SHANK2: variants seen among roughly 807,000 people sequenced by gnomAD.
The protein encoded by SHANK2 is SH3 and multiple ankyrin repeat domains protein 2.
SHANK2 carries 43 observed loss-of-function variants against 133.7 expected under a neutral mutation model. The observed-to-expected ratio is 0.32, with a 90% CI of 0.25 to 0.41. The LOEUF (loss-of-function observed/expected upper bound fraction) is 0.41. Among genes scored for constraint, SHANK2 ranks in the 10% least tolerant of loss-of-function variants. The probability of loss-of-function intolerance (pLI) is 1.00; values close to 1 mark genes in which losing one functional copy is unlikely to be tolerated. For missense variants in SHANK2, 1,994 were observed against 2,235.8 expected (o/e 0.89, Z 2.18); for synonymous variants, 1,017 against 952.8 (o/e 1.07, Z -1.24).
intron 21 of SHANK2, among the ~76,000 whole-genome samples, chr11:70,498,169 G>T (rs2058998430): frequency 6.6e-6 from 1 of 152,238 alleles, no homozygotes; most frequent in Non-Finnish European, 1.5e-5. Flanking sequence ...GCTTGAAGTG[G>T]TCTGTCTACT....
At chr11:70,836,088 G>A (rs782162993) in intron 11 of SHANK2, among the ~76,000 whole-genome samples, 11 of 152,222 alleles carry the variant, frequency 7.2e-5, no homozygotes, top group South Asian at 4.1e-4. Context: ...GTGTCGCTCC[G>A]TTTCCAGCCA....
chr11:70,489,054 C>T (rs981856050), intron 24 of SHANK2: 16 of 450,154 alleles, frequency 3.6e-5, no homozygotes, highest in Middle Eastern at 5.6e-4. Context: ...AAATAAATTA[C>T]TTGAAATGAA....
intron 17 of SHANK2, among the ~76,000 whole-genome samples, chr11:70,597,854 C>A (rs552631057): frequency 5.9e-5 from 9 of 152,330 alleles, no homozygotes; most frequent in African/African-American, 2.2e-4. Flanking sequence ...GCCTGTGCGA[C>A]AAAGCAAGAC....
intron 2 of SHANK2, among the ~76,000 whole-genome samples, chr11:71,216,515 TG>T (rs1363093111): frequency 6.6e-6 from 1 of 152,044 alleles, no homozygotes; most frequent in Non-Finnish European, 1.5e-5. Context: ...GTACAGGTTT[TG>T]GGGGGGAATA....
chr11:70,571,519 C>T (rs544557438), intron 17 of SHANK2, among the ~76,000 whole-genome samples: 1 of 152,214 alleles, frequency 6.6e-6, no homozygotes, highest in Non-Finnish European at 1.5e-5. Context: ...ATGCTACCCC[C>T]ACCATGTGCC....
chr11:70,933,899 CAAAA>C (rs35735097), intron 10 of SHANK2, among the ~76,000 whole-genome samples: 1 of 123,914 alleles, frequency 8.1e-6, no homozygotes, highest in Non-Finnish European at 1.7e-5. Context: ...GACTGTGTCT[CAAAA>C]AAAAAAAAAA....
chr11:71,205,225 C>T (rs782729185), intron 2 of SHANK2, among the ~76,000 whole-genome samples: 95 of 152,244 alleles, frequency 6.2e-4, no homozygotes, highest in Non-Finnish European at 5.7e-4. Context: ...CGGGCCCATC[C>T]TGTGGGGTAG....
intron 12 of SHANK2, among the ~76,000 whole-genome samples, chr11:70,816,533 C>T (rs1186058192): frequency 6.6e-6 from 1 of 152,230 alleles, no homozygotes; most frequent in African/African-American, 2.4e-5. Flanking sequence ...CTAGCAGCCT[C>T]CCTGAAAGTG....
chr11:70,953,017 G>A (rs1488792803), intron 10 of SHANK2, among the ~76,000 whole-genome samples: 3 of 151,920 alleles, frequency 2.0e-5, no homozygotes, highest in Non-Finnish European at 1.5e-5. Flanking sequence ...CCCATCCCAC[G>A]TCCCAATCCC....
rs1456219194 is a variant in SHANK2 at position 70,500,652 on chromosome 11, A to T, written c.2288-62T>A. On this transcript the variant is annotated intron_variant, in intron 20 of 25. Coordinates refer to ENST00000601538, the MANE Select transcript of SHANK2 (RefSeq NM_012309.5). The surrounding 1 kb of genome is among the most constrained non-coding windows in gnomAD (Gnocchi z 4.5). ...GATGCAGCGCCCGCCCGCAGCCTAC[A>T]CTCGGGCCTTGTCAGCTCAGGGCGC... 3 of 1,570,572 alleles carry T rather than the reference A, an allele frequency of 1.9e-6. No individual in the cohort carries two copies. Among genetic ancestry groups the T allele is most frequent in the Non-Finnish European group, 2.6e-6 (3 of 1,157,824 alleles).
chr11:70,577,352 G>A (rs1026632893), intron 17 of SHANK2, among the ~76,000 whole-genome samples: 5 of 152,210 alleles, frequency 3.3e-5, no homozygotes, highest in Admixed American at 6.5e-5. Context: ...GAGGAGGGCC[G>A]TGGCCACGCC....
intron 8 of SHANK2, among the ~76,000 whole-genome samples, chr11:71,084,639 C>A (rs1174232527): frequency 6.6e-6 from 1 of 152,214 alleles, no homozygotes; most frequent in East Asian, 1.9e-4. Flanking sequence ...GAGGGCAGAG[C>A]CAGGCACAGC....
intron 2 of SHANK2, among the ~76,000 whole-genome samples, chr11:71,171,154 G>A (rs1485336047): frequency 6.6e-6 from 1 of 152,164 alleles, no homozygotes. Context: ...GTATTGGTCC[G>A]GATTCTCCAA....
chr11:70,489,656 C>T, intron 23 of SHANK2: 1 of 473,624 alleles, frequency 2.1e-6, no homozygotes, highest in Non-Finnish European at 3.8e-6. Context: ...CCAGAATTGA[C>T]ACAGTAAAGG....
At position 70,775,569 on chromosome 11, in the gene SHANK2, G is replaced by A. The variant is rs974816809; in HGVS notation, c.1777+22874C>T. 5.0e-4 allele frequency among the ~76,000 whole-genome samples: 76 copies of A among 152,328 alleles called. 1 individual carries two copies. The highest frequency in any genetic ancestry group is 3.4e-3 in the Middle Eastern group (1 of 294). Reference sequence around the variant, plus strand: ...TGTTGACTCTAGACCCACATTTGCAGATGGTGCCCAATCCACCACTCGCGG... The same window carrying A: ...TGTTGACTCTAGACCCACATTTGCAAATGGTGCCCAATCCACCACTCGCGG... On this transcript the variant is annotated intron_variant, in intron 14 of 25. Transcript: ENST00000601538.
intron 14 of SHANK2, among the ~76,000 whole-genome samples, chr11:70,770,779 T>C (rs1947230155): frequency 6.6e-6 from 1 of 152,178 alleles, no homozygotes; most frequent in Admixed American, 6.5e-5. Flanking sequence ...CCCAGGTTCC[T>C]GCTCTGGGAT....
At chr11:71,068,914 AACC>A (rs1389031158) in intron 9 of SHANK2, among the ~76,000 whole-genome samples, 1 of 149,876 alleles carries the variant, frequency 6.7e-6, no homozygotes, top group Non-Finnish European at 1.5e-5. Context: ...CATCACCATC[AACC>A]ACCACCATCA....
At position 70,500,582 on chromosome 11, in the gene SHANK2, G is replaced by T. The variant is rs781809082; in HGVS notation, c.2296C>A (p.Arg766=). The change falls in exon 21 of 26, where the codon CGG becomes AGG. Residue 766 remains arginine, a synonymous_variant. Transcript: ENST00000601538. The surrounding 1 kb of genome is among the most constrained non-coding windows in gnomAD (Gnocchi z 4.5). Reference sequence around the variant, plus strand: ...GGGCCTCCCTTACCCTTCTTCTTCCGGACCGAGGCTTGCAAACAGAAAGGG... The same window carrying T: ...GGGCCTCCCTTACCCTTCTTCTTCCTGACCGAGGCTTGCAAACAGAAAGGG... ...LEELVDKASV[R]KKKDKPEEIV... 6.2e-7 allele frequency: 1 copy of T among 1,603,592 alleles called. No homozygotes were observed. The highest frequency in any genetic ancestry group is 2.2e-5 in the East Asian group (1 of 44,458).
chr11:70,859,544 T>C (rs1409433830), intron 11 of SHANK2, among the ~76,000 whole-genome samples: 1 of 151,836 alleles, frequency 6.6e-6, no homozygotes, highest in African/African-American at 2.4e-5. Flanking sequence ...GAATGGGTGA[T>C]AGGTAGATAG....
Sources: gnomAD v4.1 joint callset for allele counts (sites outside exome capture counted in the v4.1 genomes callset) on GRCh38, gnomAD v4.1.1 for gene constraint, Gnocchi (gnomAD v3.1) non-coding constraint, MANE v1.5 for transcripts, NCBI Gene and HGNC (gene_info 2026-07-23, HGNC 2026-07-21) for gene names.